The following DCC variants were observed in gnomAD, a reference collection of about 807,000 sequenced individuals.
DCC encodes netrin receptor DCC.
DCC carries 58 observed loss-of-function variants against 172.5 expected under a neutral mutation model. The ratio of observed to expected loss-of-function variants is 0.34; its 90% CI spans 0.27 to 0.42. DCC has a LOEUF of 0.42. Among genes scored for constraint, DCC ranks in the 10% least tolerant of loss-of-function variants. DCC has a pLI of 1.00. For synonymous variants in DCC, 709 were observed against 644.5 expected (o/e 1.10, Z -1.52); for missense variants, 1,740 against 1,791.0 (o/e 0.97, Z 0.51).
chr18:53,365,968 A>T (rs1244918151), intron 15 of DCC, among the ~76,000 whole-genome samples: 2 of 152,214 alleles, frequency 1.3e-5, no homozygotes, highest in African/African-American at 2.4e-5. Flanking sequence ...TTCTTGCAGG[A>T]GATTCACTTA....
intron 11 of DCC, among the ~76,000 whole-genome samples, chr18:53,213,874 A>G (rs1321683517): frequency 7.3e-6 from 1 of 137,734 alleles, no homozygotes; most frequent in African/African-American, 2.9e-5. Context: ...TAATAATACA[A>G]GTACAATTTA....
intron 1 of DCC, among the ~76,000 whole-genome samples, chr18:52,554,014 C>T (rs1282075843): frequency 6.6e-6 from 1 of 151,974 alleles, no homozygotes; most frequent in East Asian, 1.9e-4. Flanking sequence ...AAGTTATTTA[C>T]CTTCTAATTT....
In DCC at chr18:53,165,766, T is replaced by C. The variant is rs766158994; in HGVS notation, c.1418+8254T>C. Reference sequence around the variant, plus strand: ...CTATATGTCCATGTCCAGCAGTGTATTGAAAATAGAAGAGAACCCAGCAGA... The same window carrying C: ...CTATATGTCCATGTCCAGCAGTGTACTGAAAATAGAAGAGAACCCAGCAGA... On this transcript the variant is annotated intron_variant, in intron 8 of 28. Transcript: ENST00000442544. Among the ~76,000 whole-genome samples the C allele has an allele frequency of 9.8e-4, 149 of 152,184 alleles. 1 individual carries two copies. Among genetic ancestry groups the C allele is most frequent in the Middle Eastern group, 3.2e-3 (1 of 316 alleles).
chr18:53,354,034 T>C (rs2057846801), intron 15 of DCC, among the ~76,000 whole-genome samples: 1 of 152,202 alleles, frequency 6.6e-6, no homozygotes, highest in African/African-American at 2.4e-5. Context: ...GTCCTTGCGA[T>C]AGTTTGCTGA....
At chr18:52,688,611 T>C (rs1386547775) in intron 1 of DCC, among the ~76,000 whole-genome samples, 1 of 152,018 alleles carries the variant, frequency 6.6e-6, no homozygotes, top group Admixed American at 6.6e-5. Flanking sequence ...ATGAGATTAA[T>C]GCTAAATGAG....
chr18:53,108,337 A>G (rs912116592), intron 7 of DCC, among the ~76,000 whole-genome samples: 1 of 151,788 alleles, frequency 6.6e-6, no homozygotes, highest in Non-Finnish European at 1.5e-5. Flanking sequence ...CCTGAATTGT[A>G]TTGAAACTTC....
chr18:53,197,151 T>A (rs1461943909), intron 9 of DCC, among the ~76,000 whole-genome samples: 1 of 152,136 alleles, frequency 6.6e-6, no homozygotes, highest in Non-Finnish European at 1.5e-5. Flanking sequence ...ACACGTTCAC[T>A]AAGCAGATCA....
chr18:52,342,425 T>G (rs1202048296), intron 1 of DCC, among the ~76,000 whole-genome samples: 1 of 124,548 alleles, frequency 8.0e-6, no homozygotes, highest in Non-Finnish European at 1.6e-5. Flanking sequence ...TCCCGGAGCT[T>G]TGTCCTCAAC....
rs1342564159 is a variant in DCC, at chr18:52,340,695, C to T, written c.-93C>T. On this transcript the variant is annotated 5_prime_UTR_variant, in exon 1 of 29. Transcript: ENST00000442544. ...AGGAGGAAGCCGAAGGGGCTCGGCGCGTGTGTGTGCATGTGTGCATGCGTG... is the reference window on the plus strand; with the variant it reads ...AGGAGGAAGCCGAAGGGGCTCGGCGTGTGTGTGTGCATGTGTGCATGCGTG... 2.2e-6 allele frequency: 2 copies of T among 897,726 alleles called. No individual in the cohort carries two copies. Among genetic ancestry groups the T allele is most frequent in the Non-Finnish European group, 3.8e-6 (2 of 527,884 alleles). 55.6% of individuals were successfully genotyped at this position (897,726 alleles called of 1,614,324 possible). A position where few individuals can be genotyped will look rare whatever the true frequency, so the allele number is the denominator to read the frequency against.
rs1022737816 is a variant in DCC at position 53,149,839 on chromosome 18, G to A, written c.1262-7517G>A. ...CAGTTTATCTCTTTGTGTGGCCATA[G>A]GAAATCCTTTTTAGCATACAACTTT... On this transcript the variant is annotated intron_variant, in intron 7 of 28. Transcript: ENST00000442544. 2.0e-5 allele frequency among the ~76,000 whole-genome samples: 3 copies of A among 152,276 alleles called. No individual in the cohort carries two copies. In the East Asian group the frequency reaches 5.8e-4, roughly 29 times the overall value.
chr18:52,652,155 GT>G (rs1244291054), intron 1 of DCC, among the ~76,000 whole-genome samples: 2 of 151,972 alleles, frequency 1.3e-5, no homozygotes, highest in Non-Finnish European at 2.9e-5. Flanking sequence ...TCAATGGAGA[GT>G]TTTTATCCCT....
At chr18:52,534,619 T>C (rs2032239021) in intron 1 of DCC, among the ~76,000 whole-genome samples, 1 of 152,100 alleles carries the variant, frequency 6.6e-6, no homozygotes, top group South Asian at 2.1e-4. Context: ...AAGACTAACA[T>C]AGCTAAGGTC....
At chr18:53,379,601 G>A (rs1397839334) in intron 15 of DCC, among the ~76,000 whole-genome samples, 1 of 152,160 alleles carries the variant, frequency 6.6e-6, no homozygotes, top group East Asian at 1.9e-4. Context: ...CTCAGGGGAA[G>A]GAGAACCCAG....
At chr18:53,513,290 C>T (rs1349118219) in intron 27 of DCC, among the ~76,000 whole-genome samples, 2 of 152,022 alleles carry the variant, frequency 1.3e-5, no homozygotes, top group African/African-American at 2.4e-5. Flanking sequence ...CCAGGCCTGC[C>T]CTAAAAGAAC....
At chr18:52,494,833 C>T (rs1464044746) in intron 1 of DCC, among the ~76,000 whole-genome samples, 2 of 152,002 alleles carry the variant, frequency 1.3e-5, no homozygotes, top group Non-Finnish European at 2.9e-5. Context: ...TTAAAAATTG[C>T]ATGTTAGTAA....
intron 1 of DCC, among the ~76,000 whole-genome samples, chr18:52,698,328 G>T (rs1354204381): frequency 1.3e-5 from 2 of 152,110 alleles, no homozygotes; most frequent in Non-Finnish European, 2.9e-5. Flanking sequence ...GATTCTCTTT[G>T]CTTCTTTAAC....
At chr18:52,516,088 TG>T (rs2031632010) in intron 1 of DCC, among the ~76,000 whole-genome samples, 1 of 152,006 alleles carries the variant, frequency 6.6e-6, no homozygotes, top group Non-Finnish European at 1.5e-5. Flanking sequence ...AAAATAGCAA[TG>T]ACTCCAAATG....
intron 7 of DCC, among the ~76,000 whole-genome samples, chr18:53,077,916 C>A (rs2042744297): frequency 6.6e-6 from 1 of 152,134 alleles, no homozygotes; most frequent in Non-Finnish European, 1.5e-5. Context: ...GATCTCTGTT[C>A]AACTTTCCAA....
At chr18:52,994,146 A>C (rs1457454915) in intron 5 of DCC, among the ~76,000 whole-genome samples, 1 of 152,178 alleles carries the variant, frequency 6.6e-6, no homozygotes, top group Non-Finnish European at 1.5e-5. Context: ...AACATTGCCC[A>C]TAAGATTTTC....
Sources: gnomAD v4.1 joint callset for allele counts (sites outside exome capture counted in the v4.1 genomes callset) on GRCh38, gnomAD v4.1.1 for gene constraint, MANE v1.5 for transcripts, NCBI Gene and HGNC (gene_info 2026-07-23, HGNC 2026-07-21) for gene names.